Variants in SIX1 observed in about 807,000 individuals in gnomAD.
SIX1 encodes the protein homeobox protein SIX1.
In SIX1, 11 loss-of-function variants were observed where a neutral mutation model predicts 26.5. The ratio of observed to expected loss-of-function variants is 0.41; its 90% confidence interval spans 0.26 to 0.69. The LOEUF is 0.69. SIX1 is among the 30% of genes least tolerant of loss of function. The probability of loss-of-function intolerance (pLI) is 0.28; values close to 1 mark genes in which losing one functional copy is unlikely to be tolerated. For missense variants in SIX1, 333 were observed against 365.9 expected (o/e 0.91, Z 0.73); for synonymous variants, 177 against 166.2 (o/e 1.06, Z -0.50).
At position 60,644,333 on chromosome 14, in the gene SIX1, CAA is replaced by C. The variant is rs1396982054; in HGVS notation, c.*1948_*1949del. The stretch of plus-strand genomic sequence containing the variant: ...CCGACTTAATGATCCAAAACACTAA[CAA>C]GGGAGATTGGGACCCTGAGCTCCCA... On this transcript the variant is annotated 3_prime_UTR_variant, in exon 2 of 2. Coordinates refer to ENST00000645694, the MANE Select transcript of SIX1 (RefSeq NM_005982.4). The C allele has an allele frequency of 6.6e-6, 1 of 152,138 alleles. No individual in the cohort carries two copies. The highest frequency in any genetic ancestry group is 6.5e-5 in the Admixed American group (1 of 15,278). The allele number at this position is 152,138 out of a possible 1,614,324, so 9.4% of individuals were successfully genotyped here.
chr14:60,646,607 T>TAAAAAAAA, intron 1 of SIX1, 30 bp from the exon 2 acceptor site: 1 of 831,216 alleles, frequency 1.2e-6, no homozygotes, highest in South Asian at 2.0e-5. Flanking sequence ...ACCATATGGT[T>TAAAAAAAA]AAAAAAAAAA....
rs748460225 is a variant in SIX1 at position 60,646,445 on chromosome 14, G to T, written c.693C>A (p.Val231=). 6.2e-6 allele frequency: 10 copies of T among 1,614,038 alleles called. No individual in the cohort carries two copies. Among genetic ancestry groups the T allele is most frequent in the Non-Finnish European group, 8.5e-6 (10 of 1,179,998 alleles). ...SPPQSPDQNS[V]LLLQGNMGHA... ...GGCCCATATTGCCCTGCAGCAGAAG[G>T]ACCGAGTTCTGGTCTGGACTTTGGG... Residue 231 remains valine, a synonymous_variant, in exon 2 of 2, where the codon GTC becomes GTA. Transcript: ENST00000645694.
In SIX1 at chr14:60,648,569, G is replaced by A; in HGVS notation, c.560+61C>T. 3 of 1,506,638 alleles carry A rather than the reference G, an allele frequency of 2.0e-6. No homozygotes were observed. Among genetic ancestry groups the A allele is most frequent in the Admixed American group, 2.0e-5 (1 of 51,186 alleles). The allele number at this position is 1,506,638 out of a possible 1,614,324, so 93.3% of individuals were successfully genotyped here. A position where few individuals can be genotyped will look rare whatever the true frequency, so the allele number is the denominator to read the frequency against. On this transcript the variant is annotated intron_variant, in intron 1 of 1. Coordinates refer to ENST00000645694, the MANE Select transcript of SIX1 (RefSeq NM_005982.4). The surrounding 1 kb of genome is among the most constrained non-coding windows in gnomAD (Gnocchi z 7.9). The stretch of plus-strand genomic sequence containing the variant: ...GGCTGGTGCCTGCGGGGGCGGGAGG[G>A]GGCGGAGGAGAAAGGACGGCTTCCT...
intron 1 of SIX1, 128 bp from the exon 2 acceptor site, chr14:60,646,705 C>A: frequency 1.2e-6 from 1 of 817,898 alleles, no homozygotes; most frequent in Non-Finnish European, 1.9e-6. Context: ...AATCTGTCAC[C>A]AACCCAAATG....
Position 60,645,491 on chromosome 14 carries a change from T to G in SIX1, c.*792A>C, listed in dbSNP as rs1249634367. On this transcript the variant is annotated 3_prime_UTR_variant, in exon 2 of 2. Coordinates refer to ENST00000645694, the MANE Select transcript of SIX1 (RefSeq NM_005982.4). This position sits in a 1 kb window ranked among gnomAD's most constrained non-coding sequence, Gnocchi z 4.6. ...CATTCAGGAAAGTGTTTTTTCACATTGGTACATTTTTAGAGTTTGTCATTT... is the reference window on the plus strand; with the variant it reads ...CATTCAGGAAAGTGTTTTTTCACATGGGTACATTTTTAGAGTTTGTCATTT... 2 of 147,696 alleles carry G rather than the reference T, an allele frequency of 1.4e-5. No homozygotes were observed. Among genetic ancestry groups the G allele is most frequent in the Non-Finnish European group, 3.0e-5 (2 of 67,236 alleles). 9.1% of individuals were successfully genotyped at this position (147,696 alleles called of 1,614,324 possible).
chr14:60,649,330 C>A lies in SIX1; in HGVS notation c.-141G>T. ...GCTTTGCAAAGGCGAAAACCGGAGT[C>A]GGAACTTGGCGGTGGGCGGCCAAGG... On this transcript the variant is annotated 5_prime_UTR_variant, in exon 1 of 2. Coordinates refer to ENST00000645694, the MANE Select transcript of SIX1 (RefSeq NM_005982.4). This position sits in a 1 kb window ranked among gnomAD's most constrained non-coding sequence, Gnocchi z 5.1. The A allele has an allele frequency of 1.4e-6, 1 of 691,898 alleles. No individual in the cohort carries two copies. The highest frequency in any genetic ancestry group is 2.4e-6 in the Non-Finnish European group (1 of 418,092). The allele number at this position is 691,898 out of a possible 1,614,324, so 42.9% of individuals were successfully genotyped here. A position where few individuals can be genotyped will look rare whatever the true frequency, so the allele number is the denominator to read the frequency against.
At position 60,643,530 on chromosome 14, in the gene SIX1, G is replaced by A. The variant is rs545494760; in HGVS notation, c.*2753C>T. On this transcript the variant is annotated 3_prime_UTR_variant, in exon 2 of 2. Transcript: ENST00000645694. ...GGCTACCGTTATGACATCTGTAGAG[G>A]AGAAACGAAAAGTGGCTTTAGATTC... 2 of 151,704 alleles carry A rather than the reference G, an allele frequency of 1.3e-5. No homozygotes were observed. The highest frequency in any genetic ancestry group is 2.4e-5 in the African/African-American group (1 of 41,338). 9.4% of individuals were successfully genotyped at this position (151,704 alleles called of 1,614,324 possible). A position where few individuals can be genotyped will look rare whatever the true frequency, so the allele number is the denominator to read the frequency against.
At position 60,643,876 on chromosome 14, in the gene SIX1, G is replaced by A. The variant is rs562131275; in HGVS notation, c.*2407C>T. 3.3e-5 allele frequency: 5 copies of A among 152,286 alleles called. No individual in the cohort carries two copies. The South Asian group carries it at 1.0e-3, about 32-fold the overall frequency. 9.4% of individuals were successfully genotyped at this position (152,286 alleles called of 1,614,324 possible). A position where few individuals can be genotyped will look rare whatever the true frequency, so the allele number is the denominator to read the frequency against. On this transcript the variant is annotated 3_prime_UTR_variant, in exon 2 of 2. Transcript: ENST00000645694. ...TGACAGAAAATTGTCCTTTTAACAAGTTTACAAGCAGTAATCACGGGGGCT... is the reference window on the plus strand; with the variant it reads ...TGACAGAAAATTGTCCTTTTAACAAATTTACAAGCAGTAATCACGGGGGCT...
chr14:60,649,217 C>T lies in SIX1; in HGVS notation c.-28G>A, dbSNP rs973618825. 2 of 1,597,168 alleles carry T rather than the reference C, an allele frequency of 1.3e-6. No individual in the cohort carries two copies. The highest frequency in any genetic ancestry group is 1.7e-6 in the Non-Finnish European group (2 of 1,177,024). The stretch of plus-strand genomic sequence containing the variant: ...CTGGGGCCTGCCGGGGCGCACGGCC[C>T]AGGCGCACGCGGCAGGGAGCAGAGC... On this transcript the variant is annotated 5_prime_UTR_variant, in exon 1 of 2. Coordinates refer to ENST00000645694, the MANE Select transcript of SIX1 (RefSeq NM_005982.4). This position sits in a 1 kb window ranked among gnomAD's most constrained non-coding sequence, Gnocchi z 5.1.
Position 60,647,954 on chromosome 14 carries a change from G to A in SIX1, c.560+676C>T, listed in dbSNP as rs545952871. Among the ~76,000 whole-genome samples, 1 of 152,236 alleles carries A rather than the reference G, an allele frequency of 6.6e-6. No homozygotes were observed. The highest frequency in any genetic ancestry group is 1.5e-5 in the Non-Finnish European group (1 of 68,038). Reference sequence around the variant, plus strand: ...ATGCGGCGCGGTCAGCCAGACCGACGGGCTGCAGTGCCGGGCCACGCGCGA... The same window carrying A: ...ATGCGGCGCGGTCAGCCAGACCGACAGGCTGCAGTGCCGGGCCACGCGCGA... On this transcript the variant is annotated intron_variant, in intron 1 of 1. Transcript: ENST00000645694. The surrounding 1 kb of genome is among the most constrained non-coding windows in gnomAD (Gnocchi z 5.1).
chr14:60,646,090 A>T lies in SIX1; in HGVS notation c.*193T>A. 1 of 533,928 alleles carries T rather than the reference A, an allele frequency of 1.9e-6. No individual in the cohort carries two copies. Among genetic ancestry groups the T allele is most frequent in the Non-Finnish European group, 3.3e-6 (1 of 304,796 alleles). The allele number at this position is 533,928 out of a possible 1,614,324, so 33.1% of individuals were successfully genotyped here. Reference sequence around the variant, plus strand: ...AAAAGTGGAAAGAGTTGGAGAGAAGAGGAGATTAAGCTTGAGATCGCTGTT... The same window carrying T: ...AAAAGTGGAAAGAGTTGGAGAGAAGTGGAGATTAAGCTTGAGATCGCTGTT... On this transcript the variant is annotated 3_prime_UTR_variant, in exon 2 of 2. Coordinates refer to ENST00000645694, the MANE Select transcript of SIX1 (RefSeq NM_005982.4).
chr14:60,646,608 A>AAAAAAAAAAAAAAAAAAAAAAAAAAGAT, intron 1 of SIX1, 31 bp from the exon 2 acceptor site: 1 of 6,906 alleles, frequency 1.4e-4, no homozygotes, highest in Non-Finnish European at 2.7e-4. Context: ...CCATATGGTT[A>AAAAAAAAAAAAAAAAAAAAAAAAAAGAT]AAAAAAAAAA....
Position 60,646,570 on chromosome 14 carries a change from T to G in SIX1, c.568A>C (p.Thr190Pro), listed in dbSNP as rs1894946047. The G allele has an allele frequency of 1.3e-6, 2 of 1,589,680 alleles. No individual in the cohort carries two copies. Among genetic ancestry groups the G allele is most frequent in the South Asian group, 2.2e-5 (2 of 90,580 alleles). The change falls in exon 2 of 2, where the codon ACC becomes CCC. Residue 190 changes from threonine (T) to proline (P), a missense_variant. Coordinates refer to ENST00000645694, the MANE Select transcript of SIX1 (RefSeq NM_005982.4). ...RAAEAKEREN[T>P]ENNNSSSNKQ... ...TTGGAGGAGGAGTTATTGTTTTCGGTGTTCTCCCTAAGAAATAGAGGACAA... is the reference window on the plus strand; with the variant it reads ...TTGGAGGAGGAGTTATTGTTTTCGGGGTTCTCCCTAAGAAATAGAGGACAA...
chr14:60,643,827 G>A lies in SIX1; in HGVS notation c.*2456C>T, dbSNP rs1299291788. 6.6e-6 allele frequency: 1 copy of A among 152,118 alleles called. No homozygotes were observed. The highest frequency in any genetic ancestry group is 1.5e-5 in the Non-Finnish European group (1 of 68,034). The allele number at this position is 152,118 out of a possible 1,614,324, so 9.4% of individuals were successfully genotyped here. A position where few individuals can be genotyped will look rare whatever the true frequency, so the allele number is the denominator to read the frequency against. Reference sequence around the variant, plus strand: ...TGCGCGCTCTGGATTTAGTGCCAGGGGTTTTACAAAGAGTTTATGACTGTG... The same window carrying A: ...TGCGCGCTCTGGATTTAGTGCCAGGAGTTTTACAAAGAGTTTATGACTGTG... On this transcript the variant is annotated 3_prime_UTR_variant, in exon 2 of 2. Coordinates refer to ENST00000645694, the MANE Select transcript of SIX1 (RefSeq NM_005982.4).
chr14:60,646,629 AAGT>A (rs935371764), intron 1 of SIX1, 52 bp from the exon 2 acceptor site: 13 of 1,180,600 alleles, frequency 1.1e-5, no homozygotes, highest in Non-Finnish European at 1.5e-5. Context: ...AAAAAAAAAA[AAGT>A]AGGTTAAAAA....
chr14:60,645,311 A>G lies in SIX1; in HGVS notation c.*972T>C, dbSNP rs1455638899. ...TTTAATTTAGACTGCTTTAGGTACA[A>G]TAGAAAAGAAACCTGAAAACACATG... On this transcript the variant is annotated 3_prime_UTR_variant, in exon 2 of 2. Transcript: ENST00000645694. The surrounding 1 kb of genome is among the most constrained non-coding windows in gnomAD (Gnocchi z 4.6). 3.9e-5 allele frequency: 6 copies of G among 152,184 alleles called. No individual in the cohort carries two copies. Among genetic ancestry groups the G allele is most frequent in the Admixed American group, 2.6e-4 (4 of 15,290 alleles). 9.4% of individuals were successfully genotyped at this position (152,184 alleles called of 1,614,324 possible).
In SIX1 at chr14:60,648,960, G is replaced by A; in HGVS notation, c.230C>T (p.Pro77Leu). The change falls in exon 1 of 2, where the codon CCT (proline) becomes CTT (leucine). Residue 77 changes from proline (P) to leucine (L), a missense_variant. Coordinates refer to ENST00000645694, the MANE Select transcript of SIX1 (RefSeq NM_005982.4). This position sits in a 1 kb window ranked among gnomAD's most constrained non-coding sequence, Gnocchi z 7.9. ...YKILESHQFS[P>L]HNHPKLQQLW... ...TTGCTGCAGTTTGGGGTGGTTGTGA[G>A]GCGAGAACTGGTGGCTCTCCAGGAT... 2.5e-6 allele frequency: 4 copies of A among 1,614,198 alleles called. No individual in the cohort carries two copies. Among genetic ancestry groups the A allele is most frequent in the East Asian group, 2.2e-5 (1 of 44,868 alleles).
In SIX1 at chr14:60,648,585, AC is replaced by A; in HGVS notation, c.560+44del. On this transcript the variant is annotated intron_variant, in intron 1 of 1. Transcript: ENST00000645694. This position sits in a 1 kb window ranked among gnomAD's most constrained non-coding sequence, Gnocchi z 7.9. ...GGCGGGAGGGGGCGGAGGAGAAAGG[AC>A]GGCTTCCTAGGGTCGCCCGAGTCGC... The A allele has an allele frequency of 6.4e-7, 1 of 1,556,964 alleles. No individual in the cohort carries two copies. The highest frequency in any genetic ancestry group is 2.4e-5 in the East Asian group (1 of 41,904).
chr14:60,648,524 G>C lies in SIX1; in HGVS notation c.560+106C>G. On this transcript the variant is annotated intron_variant, in intron 1 of 1. Coordinates refer to ENST00000645694, the MANE Select transcript of SIX1 (RefSeq NM_005982.4). This position sits in a 1 kb window ranked among gnomAD's most constrained non-coding sequence, Gnocchi z 7.9. ...CGCGCCGCCCCGTGGACGGGCTCCG[G>C]CCGGCGGGGAGGACTTGGTGGCTGG... 1 of 1,182,766 alleles carries C rather than the reference G, an allele frequency of 8.5e-7. No individual in the cohort carries two copies. Among genetic ancestry groups the C allele is most frequent in the East Asian group, 2.6e-5 (1 of 39,018 alleles). The allele number at this position is 1,182,766 out of a possible 1,614,324, so 73.3% of individuals were successfully genotyped here.
Sources: gnomAD v4.1 joint callset for allele counts (sites outside exome capture counted in the v4.1 genomes callset) on GRCh38, gnomAD v4.1.1 for gene constraint, Gnocchi (gnomAD v3.1) non-coding constraint, MANE v1.5 for transcripts, NCBI Gene and HGNC (gene_info 2026-07-23, HGNC 2026-07-21) for gene names.